TARBP1: variants seen among roughly 807,000 people sequenced by gnomAD.
The protein encoded by TARBP1 is tRNA (guanosine(18)-2'-O)-methyltransferase TARBP1.
TARBP1 carries 144 observed loss-of-function variants against 178.6 expected under a neutral mutation model. The ratio of observed to expected loss-of-function variants is 0.81; its 90% CI spans 0.70 to 0.93. The LOEUF (loss-of-function observed/expected upper bound fraction) is 0.93, where lower values mean the gene tolerates loss of function less well. TARBP1 is among the 40% of genes least tolerant of loss of function. TARBP1 has a pLI of 0.00. For missense variants in TARBP1, 2,067 were observed against 2,011.7 expected (o/e 1.03, Z -0.53); for synonymous variants, 787 against 781.0 (o/e 1.01, Z -0.13).
intron 6 of TARBP1, among the ~76,000 whole-genome samples, chr1:234,461,933 G>A (rs1379736296): frequency 6.6e-6 from 1 of 152,186 alleles, no homozygotes; most frequent in Non-Finnish European, 1.5e-5. Flanking sequence ...CTACTAAAAG[G>A]ATATTACGCG....
At chr1:234,458,052 C>T (rs1667465325) in intron 8 of TARBP1, among the ~76,000 whole-genome samples, 1 of 150,928 alleles carries the variant, frequency 6.6e-6, no homozygotes, top group South Asian at 2.1e-4. Flanking sequence ...TACTTTCAAT[C>T]AAAATGTGAG....
In TARBP1 at chr1:234,478,747, C is replaced by T. The variant is rs1437959396; in HGVS notation, c.357G>A (p.Ala119=). 3.5e-6 allele frequency: 4 copies of T among 1,153,454 alleles called. No homozygotes were observed. The highest frequency in any genetic ancestry group is 3.2e-6 in the Non-Finnish European group (3 of 939,508). The allele number at this position is 1,153,454 out of a possible 1,614,324, so 71.5% of individuals were successfully genotyped here. A position where few individuals can be genotyped will look rare whatever the true frequency, so the allele number is the denominator to read the frequency against. Residue 119 remains alanine, a synonymous_variant, in exon 1 of 30, where the codon GCG becomes GCA. Coordinates refer to ENST00000040877, the MANE Select transcript of TARBP1 (RefSeq NM_005646.4). ...RLAGRPQLAA[A]LAEEALRDLL... is the part of the protein sequence containing the mutation. ...GATCGCGCAGCGCCTCCTCAGCCAGCGCGGCCGCCAGCTGCGGACGCCCGG... is the reference window on the plus strand; with the variant it reads ...GATCGCGCAGCGCCTCCTCAGCCAGTGCGGCCGCCAGCTGCGGACGCCCGG...
Position 234,417,735 on chromosome 1 carries a change from A to C in TARBP1, c.3705+349T>G, listed in dbSNP as rs12081688. On this transcript the variant is annotated intron_variant, in intron 22 of 29. Transcript: ENST00000040877. ...CTCCCAAAACCTTTTTTTCAATTTT[A>C]AGGAACGCAATTAATTCCTCATCGT... is the stretch of plus-strand genomic sequence containing the variant. Among the ~76,000 whole-genome samples, 1,235 of 152,276 alleles carry C rather than the reference A, an allele frequency of 8.1e-3. 15 individuals carry two copies. Among genetic ancestry groups the C allele is most frequent in the African/African-American group, 0.029 (1,189 of 41,568 alleles).
rs1395284054 is a variant in TARBP1, at chr1:234,420,758, T to C, written c.3499A>G (p.Arg1167Gly). ...GTCTGCCACACTCGGTTTTTCACTCTGTGCTGTAGAGAATTCACATAGTAG... is the reference window on the plus strand; with the variant it reads ...GTCTGCCACACTCGGTTTTTCACTCCGTGCTGTAGAGAATTCACATAGTAG... ...KRYYVNSLQH[R>G]VKNRVWQTLL... is the part of the protein sequence containing the mutation. Residue 1167 changes from arginine to glycine, a missense_variant, in exon 21 of 30, where the codon AGA (arginine) becomes GGA (glycine). By Grantham distance (125) the Arg-to-Gly change is moderately radical. Transcript: ENST00000040877. The C allele has an allele frequency of 1.1e-5, 17 of 1,612,844 alleles. No individual in the cohort carries two copies. Among genetic ancestry groups the C allele is most frequent in the Non-Finnish European group, 1.4e-5 (17 of 1,179,516 alleles).
At chr1:234,476,892 T>G (rs961363974) in intron 1 of TARBP1, among the ~76,000 whole-genome samples, 9 of 152,200 alleles carry the variant, frequency 5.9e-5, no homozygotes, top group Admixed American at 2.0e-4. Flanking sequence ...TCCCTAAAAC[T>G]GCAAAATAAC....
At chr1:234,414,593 G>A (rs1316808813) in intron 22 of TARBP1, among the ~76,000 whole-genome samples, 11 of 152,254 alleles carry the variant, frequency 7.2e-5, no homozygotes, top group Admixed American at 2.6e-4. Flanking sequence ...CCACTGACTC[G>A]TCAGTCAGTC....
intron 4 of TARBP1, among the ~76,000 whole-genome samples, chr1:234,466,496 A>G (rs1366563144): frequency 6.6e-6 from 1 of 150,940 alleles, no homozygotes; most frequent in Non-Finnish European, 1.5e-5. Flanking sequence ...TCGGCAACAG[A>G]GTGAGACTCT....
chr1:234,401,311 G>T, intron 24 of TARBP1, 49 bp from the exon 25 acceptor site: 1 of 1,397,278 alleles, frequency 7.2e-7, no homozygotes, highest in Non-Finnish European at 1.0e-6. Flanking sequence ...AAACAACTCT[G>T]GTGAGGGGAG....
At chr1:234,429,028 A>C in intron 17 of TARBP1, 108 bp downstream of exon 17, 1 of 972,332 alleles carries the variant, frequency 1.0e-6, no homozygotes, top group Middle Eastern at 2.7e-4. Context: ...TTTTTGACTG[A>C]AGGAATAAAG....
At position 234,393,824 on chromosome 1, in the gene TARBP1, G is replaced by A. The variant is rs2175593; in HGVS notation, c.4257C>T (p.Val1419=). The A allele has an allele frequency of 0.44, 700,495 of 1,592,656 alleles. 157,648 individuals are homozygous for A. The highest frequency in any genetic ancestry group is 0.57 in the African/African-American group (41,649 of 73,304). Residue 1419 remains valine, a synonymous_variant, in exon 27 of 30, where the codon GTC becomes GTT. Coordinates refer to ENST00000040877, the MANE Select transcript of TARBP1 (RefSeq NM_005646.4). ...WSQQDIGTNL[V]EADNQAEWTD... ...TCCACTCCGCTTGGTTATCTGCTTC[G>A]ACCAAATTAGTACCTGGGAAGGAAA...
chr1:234,418,328 A>G, intron 21 of TARBP1, 95 bp from the exon 22 acceptor site: 7 of 1,130,546 alleles, frequency 6.2e-6, no homozygotes, highest in Admixed American at 3.1e-5. Context: ...AGTTTTTATC[A>G]TAAGTAATTT....
intron 8 of TARBP1, among the ~76,000 whole-genome samples, chr1:234,458,198 G>A (rs531576585): frequency 4.6e-4 from 70 of 152,118 alleles, no homozygotes; most frequent in Non-Finnish European, 9.4e-4. Flanking sequence ...ACAAAAATTA[G>A]CCAGTTGTGG....
intron 5 of TARBP1, among the ~76,000 whole-genome samples, chr1:234,465,045 T>C (rs549200084): frequency 6.6e-6 from 1 of 150,956 alleles, no homozygotes; most frequent in South Asian, 2.1e-4. Context: ...AATTCACGGT[T>C]CTTAATATGG....
At chr1:234,439,002 G>T (rs932887419) in intron 12 of TARBP1, among the ~76,000 whole-genome samples, 1 of 152,176 alleles carries the variant, frequency 6.6e-6, no homozygotes, top group Admixed American at 6.5e-5. Flanking sequence ...GATCTATCAA[G>T]CCAGGATTTT....
chr1:234,407,234 T>C (rs1455059338), intron 23 of TARBP1: 1 of 152,192 alleles, frequency 6.6e-6, no homozygotes, highest in East Asian at 1.9e-4. Flanking sequence ...AAGTCACTTG[T>C]GCAGCCCACA....
At chr1:234,396,294 C>T (rs535872427) in intron 26 of TARBP1, among the ~76,000 whole-genome samples, 45 of 152,312 alleles carry the variant, frequency 3.0e-4, no homozygotes, top group Admixed American at 2.5e-3. Flanking sequence ...TCTACCCAAC[C>T]GCACTGGGAA....
chr1:234,439,219 A>C (rs1665344749), intron 12 of TARBP1, among the ~76,000 whole-genome samples: 1 of 152,218 alleles, frequency 6.6e-6, no homozygotes, highest in Non-Finnish European at 1.5e-5. Context: ...ATCTAAGTAA[A>C]TATAACAGGC....
chr1:234,478,407 G>C lies in TARBP1; in HGVS notation c.697C>G (p.Leu233Val). ...AACAGCTTCTCGGCCAGGGCGCTCA[G>C]GACCAGCAGCTTCTCCTCTACGCGG... ...SGRVEEKLLVLSALAEKLLPE... is the reference protein window; with the variant it reads ...SGRVEEKLLVVSALAEKLLPE... Residue 233 changes from leucine to valine, a missense_variant, in exon 1 of 30, where the codon CTG becomes GTG. Coordinates refer to ENST00000040877, the MANE Select transcript of TARBP1 (RefSeq NM_005646.4). 1 of 1,376,040 alleles carries C rather than the reference G, an allele frequency of 7.3e-7. No homozygotes were observed. The highest frequency in any genetic ancestry group is 9.4e-7 in the Non-Finnish European group (1 of 1,060,054). 85.2% of individuals were successfully genotyped at this position (1,376,040 alleles called of 1,614,324 possible).
chr1:234,478,271 G>A lies in TARBP1; in HGVS notation c.833C>T (p.Ala278Val). The change falls in exon 1 of 30, where the codon GCC becomes GTC. Residue 278 changes from alanine to valine, a missense_variant. Transcript: ENST00000040877. Reference sequence around the variant, plus strand: ...GTAGCGCGCTCGCTTGCGCGTCAGGGCGTCCGCCTGGCCCAGCCCCGCCTG... The same window carrying A: ...GTAGCGCGCTCGCTTGCGCGTCAGGACGTCCGCCTGGCCCAGCCCCGCCTG... ...TVQAGLGQAD[A>V]LTRKRARYLL... 5.0e-6 allele frequency: 8 copies of A among 1,593,634 alleles called. No homozygotes were observed. Among genetic ancestry groups the A allele is most frequent in the Non-Finnish European group, 6.8e-6 (8 of 1,172,152 alleles).
Sources: gnomAD v4.1 joint callset for allele counts (sites outside exome capture counted in the v4.1 genomes callset) on GRCh38, gnomAD v4.1.1 for gene constraint, MANE v1.5 for transcripts, NCBI Gene and HGNC (gene_info 2026-07-23, HGNC 2026-07-21) for gene names.